ANKFN1: variants seen among roughly 807,000 people sequenced by gnomAD.
ANKFN1 encodes the protein ankyrin repeat and fibronectin type-III domain-containing protein 1.
In ANKFN1, 74 loss-of-function variants were observed where a neutral mutation model predicts 108.7. That is an observed-to-expected ratio of 0.68 (90% CI 0.56 to 0.83). The LOEUF (loss-of-function observed/expected upper bound fraction) is 0.83, where lower values mean the gene tolerates loss of function less well. Ranked by LOEUF, ANKFN1 falls within the 40% of genes least tolerant of loss-of-function variation. The pLI is 0.00. For missense variants in ANKFN1, 1,505 were observed against 1,382.3 expected (o/e 1.09, Z -1.41); for synonymous variants, 547 against 516.2 (o/e 1.06, Z -0.81).
At chr17:56,082,027 T>C (rs1433478961) in intron 4 of ANKFN1, among the ~76,000 whole-genome samples, 1 of 152,040 alleles carries the variant, frequency 6.6e-6, no homozygotes, top group African/African-American at 2.4e-5. Flanking sequence ...TGCGACCAAT[T>C]ATTATTTTAC....
At chr17:56,075,302 T>C (rs1443716743) in intron 4 of ANKFN1, among the ~76,000 whole-genome samples, 1 of 152,158 alleles carries the variant, frequency 6.6e-6, no homozygotes, top group Admixed American at 6.5e-5. Flanking sequence ...GCTTAACCCA[T>C]AAGGTTAATG....
Position 56,466,359 on chromosome 17 carries a change from T to A in ANKFN1, c.1561T>A (p.Leu521Ile), listed in dbSNP as rs2050072181. ...MLAATAQLQNLLGTHNLGRVY... is the reference protein window; with the variant it reads ...MLAATAQLQNILGTHNLGRVY... ...CCGGTAATCCATTTGTTTCCAGAAT[T>A]TACTTGGGACACACAACTTGGGAAG... Residue 521 changes from leucine (L) to isoleucine (I), a missense_variant, in exon 15 of 21, where the codon TTA becomes ATA. Coordinates refer to ENST00000682825, the MANE Select transcript of ANKFN1 (RefSeq NM_001370326.1). The A allele has an allele frequency of 6.2e-7, 1 of 1,614,004 alleles. No individual in the cohort carries two copies.
intron 1 of ANKFN1, among the ~76,000 whole-genome samples, chr17:56,177,817 T>TTTGTG (rs1362640197): frequency 5.3e-5 from 8 of 152,244 alleles, no homozygotes; most frequent in African/African-American, 1.9e-4. Flanking sequence ...TTTGTTTTGT[T>TTTGTG]TTGTTTTGTT....
At chr17:56,214,028 T>A (rs962193042) in intron 2 of ANKFN1, among the ~76,000 whole-genome samples, 1 of 152,170 alleles carries the variant, frequency 6.6e-6, no homozygotes, top group Non-Finnish European at 1.5e-5. Flanking sequence ...CAGATGTAGG[T>A]ATAAAAGATG....
At chr17:56,362,095 C>G (rs998317001) in intron 6 of ANKFN1, among the ~76,000 whole-genome samples, 1 of 152,000 alleles carries the variant, frequency 6.6e-6, no homozygotes, top group Non-Finnish European at 1.5e-5. Context: ...ACCTTATTAC[C>G]CATATAAGAT....
At chr17:56,370,106 G>A (rs934150286) in intron 6 of ANKFN1, among the ~76,000 whole-genome samples, 71 of 152,184 alleles carry the variant, frequency 4.7e-4, no homozygotes, top group Middle Eastern at 3.4e-3. Flanking sequence ...TTCACCCACC[G>A]TCACCACTAT....
At chr17:56,096,605 C>T (rs1905540191) in intron 4 of ANKFN1, among the ~76,000 whole-genome samples, 2 of 151,964 alleles carry the variant, frequency 1.3e-5, no homozygotes, top group Admixed American at 1.3e-4. Flanking sequence ...AAATCAAAAC[C>T]ACAAAAATGC....
At chr17:56,417,824 A>G (rs2048286419) in intron 8 of ANKFN1, among the ~76,000 whole-genome samples, 1 of 152,136 alleles carries the variant, frequency 6.6e-6, no homozygotes. Flanking sequence ...CTGTGTTATA[A>G]CTGGGAGCCT....
intron 3 of ANKFN1, among the ~76,000 whole-genome samples, chr17:56,229,002 A>G (rs1916501871): frequency 6.6e-6 from 1 of 152,132 alleles, no homozygotes; most frequent in Admixed American, 6.6e-5. Flanking sequence ...TTATGTGTTC[A>G]GCTGAACTGC....
intron 3 of ANKFN1, among the ~76,000 whole-genome samples, chr17:56,316,649 A>C (rs1261744717): frequency 6.6e-6 from 1 of 151,904 alleles, no homozygotes; most frequent in African/African-American, 2.4e-5. Flanking sequence ...AAGAATTGAC[A>C]AAAAACAAAA....
At chr17:56,407,164 T>G (rs2047946885) in intron 8 of ANKFN1, among the ~76,000 whole-genome samples, 1 of 152,190 alleles carries the variant, frequency 6.6e-6, no homozygotes, top group Non-Finnish European at 1.5e-5. Context: ...GGTTTAATTA[T>G]TTTACCAGAG....
intron 1 of ANKFN1, among the ~76,000 whole-genome samples, chr17:56,186,905 T>C (rs575886887): frequency 9.2e-5 from 14 of 152,244 alleles, no homozygotes; most frequent in South Asian, 4.1e-4. Flanking sequence ...AAACTGGATC[T>C]CTTCCTTACA....
At chr17:56,482,552 A>G (rs770614355) in intron 18 of ANKFN1, 28 bp downstream of exon 18, 1 of 1,604,486 alleles carries the variant, frequency 6.2e-7, no homozygotes, top group Non-Finnish European at 8.5e-7. Flanking sequence ...ACCTAGAAAT[A>G]TTAACCCAGC....
In ANKFN1 at chr17:56,457,371, T is replaced by C. The variant is rs752486291; in HGVS notation, c.1422T>C (p.Asp474=). Residue 474 remains aspartate, a synonymous_variant, in exon 13 of 21, where the codon GAT becomes GAC. Coordinates refer to ENST00000682825, the MANE Select transcript of ANKFN1 (RefSeq NM_001370326.1). ...DDSHTSSITQ[D]FLWFTKLSCM... is the part of the protein sequence containing the mutation. Reference sequence around the variant, plus strand: ...CTCACACCAGTTCTATTACACAAGATTTTCTGTGGTTCACGAAGGTATACT... The same window carrying C: ...CTCACACCAGTTCTATTACACAAGACTTTCTGTGGTTCACGAAGGTATACT... 3 of 1,595,932 alleles carry C rather than the reference T, an allele frequency of 1.9e-6. No individual in the cohort carries two copies. Among genetic ancestry groups the C allele is most frequent in the Non-Finnish European group, 2.6e-6 (3 of 1,175,792 alleles).
intron 11 of ANKFN1, among the ~76,000 whole-genome samples, chr17:56,450,490 A>G (rs1165574521): frequency 6.6e-6 from 1 of 152,226 alleles, no homozygotes; most frequent in Non-Finnish European, 1.5e-5. Context: ...GTAAATATGC[A>G]TGCAGTAGCT....
intron 8 of ANKFN1, among the ~76,000 whole-genome samples, chr17:56,405,967 C>T (rs373387400): frequency 6.6e-6 from 1 of 152,110 alleles, no homozygotes; most frequent in Non-Finnish European, 1.5e-5. Flanking sequence ...GGAGTCTTAT[C>T]TCTTTATAAT....
At chr17:56,323,535 G>C (rs774446508) in intron 3 of ANKFN1, 2 of 152,640 alleles carry the variant, frequency 1.3e-5, no homozygotes, top group Admixed American at 6.6e-5. Flanking sequence ...TAGGAAGTGG[G>C]AGACAAAGTA....
chr17:56,458,736 C>A (rs1175287339), intron 14 of ANKFN1, among the ~76,000 whole-genome samples: 1 of 152,150 alleles, frequency 6.6e-6, no homozygotes, highest in East Asian at 1.9e-4. Context: ...TAAGAGATCG[C>A]TGAGCCTTTA....
At chr17:56,137,778 A>G (rs932763326) in intron 4 of ANKFN1, among the ~76,000 whole-genome samples, 1 of 152,198 alleles carries the variant, frequency 6.6e-6, no homozygotes, top group Non-Finnish European at 1.5e-5. Flanking sequence ...TATATAAATT[A>G]TTTAAAATTA....
Sources: allele counts gnomAD v4.1 joint callset (sites outside exome capture counted in the v4.1 genomes callset), GRCh38; gene constraint gnomAD v4.1.1; transcripts MANE v1.5; gene names NCBI Gene and HGNC (gene_info 2026-07-23, HGNC 2026-07-21).